Variants in MAP4K5 observed in about 807,000 individuals in gnomAD.
MAP4K5 encodes the protein mitogen-activated protein kinase kinase kinase kinase 5, also known as MAPK/ERK kinase kinase kinase 5.
MAP4K5 carries 82 observed loss-of-function variants against 135.6 expected under a neutral mutation model. The ratio of observed to expected loss-of-function variants is 0.60; its 90% CI spans 0.51 to 0.73. MAP4K5 has a LOEUF of 0.73. Ranked by LOEUF, MAP4K5 falls within the 30% of genes least tolerant of loss-of-function variation. MAP4K5 has a pLI of 0.00. For synonymous variants in MAP4K5, 347 were observed against 335.0 expected (o/e 1.04, Z -0.39); for missense variants, 907 against 1,010.9 (o/e 0.90, Z 1.39).
rs537706568 is a variant in MAP4K5, at chr14:50,522,487, C to T, written c.108+9455G>A. 2.6e-5 allele frequency among the ~76,000 whole-genome samples: 4 copies of T among 152,074 alleles called. No homozygotes were observed. The East Asian group carries it at 7.7e-4, about 29-fold the overall frequency. ...AGAAAAATAAATAATAAGATTTTACCCAGATGACTTTTAAAATAGTAAATA... is the reference window on the plus strand; with the variant it reads ...AGAAAAATAAATAATAAGATTTTACTCAGATGACTTTTAAAATAGTAAATA... On this transcript the variant is annotated intron_variant, in intron 2 of 32. Coordinates refer to ENST00000682126, the MANE Select transcript of MAP4K5 (RefSeq NM_006575.6).
chr14:50,484,859 T>C (rs1227691653), intron 5 of MAP4K5, among the ~76,000 whole-genome samples: 1 of 152,184 alleles, frequency 6.6e-6, no homozygotes, highest in Non-Finnish European at 1.5e-5. Context: ...GATTTCAGCA[T>C]AGAAACGTTT....
In MAP4K5 at chr14:50,515,832, A is replaced by G. The variant is rs114410718; in HGVS notation, c.109-10975T>C. Among the ~76,000 whole-genome samples, 508 of 152,290 alleles carry G rather than the reference A, an allele frequency of 3.3e-3. 3 individuals carry two copies. The highest frequency in any genetic ancestry group is 0.012 in the African/African-American group (489 of 41,552). ...TTCTTTATCTAACATTCACCTATGCAGCCAACCATCTATTTCTAGGGCACA... is the reference window on the plus strand; with the variant it reads ...TTCTTTATCTAACATTCACCTATGCGGCCAACCATCTATTTCTAGGGCACA... On this transcript the variant is annotated intron_variant, in intron 2 of 32. Coordinates refer to ENST00000682126, the MANE Select transcript of MAP4K5 (RefSeq NM_006575.6).
chr14:50,421,286 T>G (rs180716702), intron 32 of MAP4K5, among the ~76,000 whole-genome samples: 1 of 152,164 alleles, frequency 6.6e-6, no homozygotes, highest in Non-Finnish European at 1.5e-5. Flanking sequence ...TAGATGGAGT[T>G]TTGCTCTTGT....
intron 2 of MAP4K5, among the ~76,000 whole-genome samples, chr14:50,518,051 T>G (rs2038070224): frequency 6.6e-6 from 1 of 152,226 alleles, no homozygotes; most frequent in African/African-American, 2.4e-5. Context: ...TATCTGTACC[T>G]GCCCTGAGTT....
intron 15 of MAP4K5, among the ~76,000 whole-genome samples, chr14:50,448,371 G>A (rs2036405622): frequency 6.6e-6 from 1 of 151,380 alleles, no homozygotes; most frequent in Non-Finnish European, 1.5e-5. Flanking sequence ...CAAAATAGCA[G>A]CAATGGTTAA....
upstream of MAP4K5, among the ~76,000 whole-genome samples, chr14:50,536,512 A>G (rs532321546): frequency 1.5e-4 from 23 of 152,238 alleles, no homozygotes; most frequent in East Asian, 4.4e-3. Context: ...TATGGAAGCA[A>G]CTTTGGAACT....
At chr14:50,436,546 A>G (rs1221055718) in intron 26 of MAP4K5, among the ~76,000 whole-genome samples, 6 of 149,432 alleles carry the variant, frequency 4.0e-5, no homozygotes, top group Admixed American at 3.3e-4. Flanking sequence ...TGGTCAATCA[A>G]TCATGCCAGA....
chr14:50,426,057 A>G lies in MAP4K5; in HGVS notation c.2327-80T>C, dbSNP rs961310323. 6 of 870,132 alleles carry G rather than the reference A, an allele frequency of 6.9e-6. No homozygotes were observed. In the African/African-American group the frequency reaches 1.0e-4, roughly 14 times the overall value. 53.9% of individuals were successfully genotyped at this position (870,132 alleles called of 1,614,324 possible). A position where few individuals can be genotyped will look rare whatever the true frequency, so the allele number is the denominator to read the frequency against. On this transcript the variant is annotated intron_variant, in intron 30 of 32. Transcript: ENST00000682126. The stretch of plus-strand genomic sequence containing the variant: ...TAAATTTTCTCTACTTTTAATAAAT[A>G]ATATAAGCCTATTCAAGTGTCTAGT...
chr14:50,440,123 T>G (rs745832649), intron 22 of MAP4K5, 50 bp from the exon 23 acceptor site: 1 of 1,140,410 alleles, frequency 8.8e-7, no homozygotes, highest in East Asian at 2.6e-5. Flanking sequence ...TATTTTAATC[T>G]TTTAAATTCC....
At chr14:50,525,318 T>C (rs2038240014) in intron 2 of MAP4K5, among the ~76,000 whole-genome samples, 1 of 152,218 alleles carries the variant, frequency 6.6e-6, no homozygotes, top group Non-Finnish European at 1.5e-5. Context: ...AAATTCTAAA[T>C]GCCATCAATT....
At chr14:50,557,969 C>A (rs2038784297) in intron 1 of MAP4K5, among the ~76,000 whole-genome samples, 1 of 152,218 alleles carries the variant, frequency 6.6e-6, no homozygotes, top group African/African-American at 2.4e-5. Context: ...GACACACGAG[C>A]TGACCCTCAG....
chr14:50,452,567 A>G lies in MAP4K5; in HGVS notation c.1016-3735T>C, dbSNP rs376373944. ...CACAGTTTTCCATTCAAACAGGTCCAGGAAGCATTTCCTCTGAAACAACCT... is the reference window on the plus strand; with the variant it reads ...CACAGTTTTCCATTCAAACAGGTCCGGGAAGCATTTCCTCTGAAACAACCT... On this transcript the variant is annotated intron_variant, in intron 14 of 32. Transcript: ENST00000682126. Among the ~76,000 whole-genome samples, 172 of 152,318 alleles carry G rather than the reference A, an allele frequency of 1.1e-3. 2 individuals carry two copies. The South Asian group carries it at 0.033, about 29-fold the overall frequency.
At chr14:50,526,315 T>C (rs951368493) in intron 2 of MAP4K5, among the ~76,000 whole-genome samples, 1 of 152,242 alleles carries the variant, frequency 6.6e-6, no homozygotes, top group African/African-American at 2.4e-5. Context: ...TTTTTCTTTT[T>C]TGAGATGGAG....
At chr14:50,487,531 A>G (rs917131454) in intron 3 of MAP4K5, among the ~76,000 whole-genome samples, 1 of 152,218 alleles carries the variant, frequency 6.6e-6, no homozygotes, top group African/African-American at 2.4e-5. Context: ...TTTAAAGATA[A>G]TCTACCTTTT....
chr14:50,450,328 T>A (rs1212306188), intron 14 of MAP4K5: 1 of 152,178 alleles, frequency 6.6e-6, no homozygotes, highest in East Asian at 1.9e-4. Flanking sequence ...TGCATGTTTG[T>A]GTGTGTACAA....
intron 2 of MAP4K5, among the ~76,000 whole-genome samples, chr14:50,540,283 G>A (rs984419640): frequency 1.6e-4 from 24 of 152,276 alleles, no homozygotes; most frequent in African/African-American, 5.5e-4. Context: ...AACCATCAGC[G>A]TACTTAAGTG....
intron 1 of MAP4K5, among the ~76,000 whole-genome samples, chr14:50,549,171 A>AC (rs1401130728): frequency 1.3e-5 from 2 of 152,074 alleles, no homozygotes; most frequent in Non-Finnish European, 2.9e-5. Context: ...ATATAAGGGG[A>AC]CCCCACCAAT....
intron 2 of MAP4K5, among the ~76,000 whole-genome samples, chr14:50,511,756 C>T (rs2037934216): frequency 6.6e-6 from 1 of 151,820 alleles, no homozygotes; most frequent in Admixed American, 6.6e-5. Context: ...CGGAAGAATC[C>T]TAAATGCATA....
upstream of MAP4K5, among the ~76,000 whole-genome samples, chr14:50,534,404 A>G (rs960374835): frequency 6.6e-6 from 1 of 152,262 alleles, no homozygotes; most frequent in Non-Finnish European, 1.5e-5. Flanking sequence ...TATTTTCCTA[A>G]TGCAAAGACT....
Sources: allele counts gnomAD v4.1 joint callset (sites outside exome capture counted in the v4.1 genomes callset), GRCh38; gene constraint gnomAD v4.1.1; transcripts MANE v1.5; gene names NCBI Gene and HGNC (gene_info 2026-07-23, HGNC 2026-07-21).